Variants in IL31RA observed in about 807,000 individuals in gnomAD.
IL31RA encodes the protein interleukin 31 receptor A.
IL31RA carries 66 observed loss-of-function variants against 83.7 expected under a neutral mutation model. That is an observed-to-expected ratio of 0.79 (90% CI 0.65 to 0.97). IL31RA has a LOEUF of 0.97. Ranked by LOEUF, IL31RA falls within the 50% of genes least tolerant of loss-of-function variation. The pLI is 0.00. For synonymous variants in IL31RA, 325 were observed against 329.0 expected (o/e 0.99, Z 0.13); for missense variants, 798 against 919.4 (o/e 0.87, Z 1.71).
chr5:55,895,887 T>C (rs1488623393), intron 6 of IL31RA, among the ~76,000 whole-genome samples: 1 of 152,230 alleles, frequency 6.6e-6, no homozygotes, highest in African/African-American at 2.4e-5. Flanking sequence ...TCCTTTGTCA[T>C]TTAATTTTTT....
chr5:55,873,893 G>A (rs1209709841), intron 4 of IL31RA, among the ~76,000 whole-genome samples: 1 of 151,976 alleles, frequency 6.6e-6, no homozygotes, highest in African/African-American at 2.4e-5. Context: ...TTTATATGAA[G>A]TCAAAAATGT....
intron 1 of IL31RA, among the ~76,000 whole-genome samples, chr5:55,857,239 C>T (rs995331904): frequency 1.3e-5 from 2 of 152,166 alleles, no homozygotes; most frequent in Admixed American, 1.3e-4. Flanking sequence ...GCTGAGACTA[C>T]AGGCACATGC....
intron 7 of IL31RA, among the ~76,000 whole-genome samples, chr5:55,897,198 A>C (rs1748457470): frequency 6.9e-6 from 1 of 145,946 alleles, no homozygotes. Flanking sequence ...CCTTCTAAAA[A>C]CTGTGATTCT....
In IL31RA at chr5:55,908,333, G is replaced by C. The variant is rs1209027360; in HGVS notation, c.1423G>C (p.Glu475Gln). Reference sequence around the variant, plus strand: ...GAAGACGGTCACGATCACATGGAAAGAGATTCCCAAGAGTGAGAGAAAGGG... The same window carrying C: ...GAAGACGGTCACGATCACATGGAAACAGATTCCCAAGAGTGAGAGAAAGGG... Reference protein sequence around the residue: ...GVKTVTITWKEIPKSERKGII... With the variant: ...GVKTVTITWKQIPKSERKGII... Residue 475 changes from glutamate (E) to glutamine (Q), a missense_variant, in exon 11 of 15, where the codon GAG (glutamate) becomes CAG (glutamine). Coordinates refer to ENST00000652347, the MANE Select transcript of IL31RA (RefSeq NM_139017.7). 2 of 1,614,062 alleles carry C rather than the reference G, an allele frequency of 1.2e-6. No homozygotes were observed. Among genetic ancestry groups the C allele is most frequent in the African/African-American group, 1.3e-5 (1 of 74,914 alleles).
chr5:55,906,714 C>T (rs541752063), intron 9 of IL31RA, among the ~76,000 whole-genome samples: 91 of 152,242 alleles, frequency 6.0e-4, no homozygotes, highest in African/African-American at 2.0e-3. Context: ...CCCTGCCCTA[C>T]GTAAGATATG....
At chr5:55,867,146 T>C (rs1383490677) in intron 2 of IL31RA, among the ~76,000 whole-genome samples, 7 of 140,412 alleles carry the variant, frequency 5.0e-5, no homozygotes, top group African/African-American at 1.3e-4. Flanking sequence ...CATGTGTGTG[T>C]GCATGTGTGT....
chr5:55,880,905 A>G (rs1420369024), intron 4 of IL31RA, among the ~76,000 whole-genome samples: 1 of 152,256 alleles, frequency 6.6e-6, no homozygotes, highest in Admixed American at 6.5e-5. Flanking sequence ...ATGGGTCTGC[A>G]GCAACCTCAG....
chr5:55,883,582 T>G (rs1454281929), intron 5 of IL31RA, among the ~76,000 whole-genome samples: 1 of 152,204 alleles, frequency 6.6e-6, no homozygotes, highest in African/African-American at 2.4e-5. Context: ...AAACGTAATA[T>G]TACATTTAAC....
At chr5:55,858,034 T>C (rs1745459007) in intron 1 of IL31RA, among the ~76,000 whole-genome samples, 1 of 152,190 alleles carries the variant, frequency 6.6e-6, no homozygotes. Context: ...CTGATTTTTT[T>C]CTAAGGTTTT....
chr5:55,916,982 T>G lies in IL31RA; in HGVS notation c.2157T>G (p.Leu719=). The G allele has an allele frequency of 6.2e-7, 1 of 1,614,052 alleles. No individual in the cohort carries two copies. The highest frequency in any genetic ancestry group is 8.5e-7 in the Non-Finnish European group (1 of 1,179,970). The part of the protein sequence containing the change: ...EGTRPEAKEQ[L]LFSGQSLVPD... ...CCCGCCCAGAAGCCAAAGAGCAGCT[T>G]CTCTTTTCTGGTCAAAGTTTAGTAC... Residue 719 remains leucine (L), a synonymous_variant, in exon 15 of 15, where the codon CTT becomes CTG. Transcript: ENST00000652347.
intron 2 of IL31RA, among the ~76,000 whole-genome samples, chr5:55,863,130 G>A (rs1745792355): frequency 6.6e-6 from 1 of 152,220 alleles, no homozygotes; most frequent in Non-Finnish European, 1.5e-5. Context: ...GAAAGTAGAA[G>A]TGAAGTCTAA....
At chr5:55,863,721 A>G (rs948313070) in intron 2 of IL31RA, among the ~76,000 whole-genome samples, 1 of 152,256 alleles carries the variant, frequency 6.6e-6, no homozygotes, top group African/African-American at 2.4e-5. Flanking sequence ...ATGTAGTCTC[A>G]TAAGAACAGC....
Position 55,922,605 on chromosome 5 carries a change from T to A in IL31RA, c.*5485T>A, listed in dbSNP as rs375944674. 2.0e-5 allele frequency: 12 copies of A among 585,864 alleles called. No homozygotes were observed. In the African/African-American group the frequency reaches 2.2e-4, roughly 11 times the overall value. 36.3% of individuals were successfully genotyped at this position (585,864 alleles called of 1,614,324 possible). On this transcript the variant is annotated 3_prime_UTR_variant, in exon 15 of 15. Transcript: ENST00000652347. ...ACCTACGGATGCAATCTGTAATGCA[T>A]GTGCATGAGAAGTCTGTTATTAAGT...
intron 14 of IL31RA, 41 bp downstream of exon 14, chr5:55,914,969 G>A: frequency 7.1e-7 from 1 of 1,411,706 alleles, no homozygotes; most frequent in East Asian, 2.3e-5. Context: ...ATTGCCGTGG[G>A]AGGTAGACGA....
intron 1 of IL31RA, among the ~76,000 whole-genome samples, chr5:55,852,912 G>T (rs1199551460): frequency 6.6e-6 from 1 of 152,168 alleles, no homozygotes; most frequent in Admixed American, 6.5e-5. Context: ...TTGTTGTGAA[G>T]ATTAAAAGAG....
Position 55,891,754 on chromosome 5 carries a change from G to A in IL31RA, c.772+1619G>A, listed in dbSNP as rs1022390408. Among the ~76,000 whole-genome samples the A allele has an allele frequency of 1.1e-3, 136 of 124,778 alleles. 2 individuals carry two copies. Among genetic ancestry groups the A allele is most frequent in the Non-Finnish European group, 2.1e-3 (121 of 58,872 alleles). The allele number at this position is 124,778 out of a possible 152,430, so 81.9% of individuals were successfully genotyped here. Reference sequence around the variant, plus strand: ...AAACATTTACAGGTTCCAGGGATTTGGACAAGATTTTTTTTTTTTTTTTTT... The same window carrying A: ...AAACATTTACAGGTTCCAGGGATTTAGACAAGATTTTTTTTTTTTTTTTTT... On this transcript the variant is annotated intron_variant, in intron 6 of 14. Transcript: ENST00000652347.
chr5:55,846,729 G>A (rs1197903357), upstream of IL31RA, among the ~76,000 whole-genome samples: 6 of 151,996 alleles, frequency 3.9e-5, no homozygotes, highest in Non-Finnish European at 5.9e-5. Flanking sequence ...CCCGGGCAAA[G>A]TTCAGTGAGC....
chr5:55,882,521 T>G (rs374226594), intron 4 of IL31RA, among the ~76,000 whole-genome samples: 2 of 152,232 alleles, frequency 1.3e-5, no homozygotes, highest in Non-Finnish European at 2.9e-5. Context: ...TAGTTTTTCT[T>G]TGTATTTTTC....
chr5:55,867,172 T>TGC (rs1746153138), intron 2 of IL31RA, among the ~76,000 whole-genome samples: 1 of 75,446 alleles, frequency 1.3e-5, no homozygotes, highest in Non-Finnish European at 2.5e-5. Flanking sequence ...TGTGTGCATG[T>TGC]GTGTGTGCAT....
Sources: gnomAD v4.1 joint callset for allele counts (sites outside exome capture counted in the v4.1 genomes callset) on GRCh38, gnomAD v4.1.1 for gene constraint, MANE v1.5 for transcripts, NCBI Gene and HGNC (gene_info 2026-07-23, HGNC 2026-07-21) for gene names.